The following NAV3 variants were observed in gnomAD, a reference collection of about 807,000 sequenced individuals.
The protein encoded by NAV3 is neuron navigator 3.
A neutral mutation model predicts 244.7 loss-of-function variants in NAV3; 87 were observed. The ratio of observed to expected loss-of-function variants is 0.36; its 90% CI spans 0.30 to 0.42. The LOEUF is 0.42. Among genes scored for constraint, NAV3 ranks in the 20% least tolerant of loss-of-function variants. The pLI, the probability that NAV3 is intolerant of heterozygous loss-of-function variation, is 1.00. For synonymous variants in NAV3, 1,126 were observed against 1,042.2 expected, an observed-to-expected ratio of 1.08 and a Z score of -1.55; for missense variants, 2,663 against 2,893.3, an observed-to-expected ratio of 0.92 and a Z score of 1.83.
Position 77,824,812 on chromosome 12 carries a change from G to A in NAV3, c.73-115507G>A, listed in dbSNP as rs536804933. Among the ~76,000 whole-genome samples, 43 of 152,094 alleles carry A rather than the reference G, an allele frequency of 2.8e-4. 1 individual carries two copies. The South Asian group carries it at 8.9e-3, about 32-fold the overall frequency. On this transcript the variant is annotated intron_variant, in intron 2 of 8. Transcript: ENST00000550042. ...GGAGGCTGAGGCAGCAAAATGGCTT[G>A]AACCCAGGAGGCAGGGATTCCCGTG... is the stretch of plus-strand genomic sequence containing the variant.
chr12:78,147,247 A>G (rs1956898758), intron 21 of NAV3, among the ~76,000 whole-genome samples: 3 of 152,120 alleles, frequency 2.0e-5, no homozygotes, highest in Admixed American at 2.0e-4. Flanking sequence ...TTTAAAAATC[A>G]AAGTGGTTTT....
chr12:77,879,501 C>G (rs916080705), intron 1 of NAV3, among the ~76,000 whole-genome samples: 2 of 151,780 alleles, frequency 1.3e-5, no homozygotes, highest in African/African-American at 4.8e-5. Flanking sequence ...TTGGAGAAAT[C>G]CTGTCTCTAC....
In NAV3 at chr12:78,189,561, C is replaced by CATATATATAT. The variant is rs34797197; in HGVS notation, c.6056-418_6056-409dup. Among the ~76,000 whole-genome samples the CATATATATAT allele has an allele frequency of 2.7e-5, 4 of 148,460 alleles. No individual in the cohort carries two copies. In the Admixed American group the frequency reaches 2.7e-4, roughly 10 times the overall value. ...GTAAAAGAAAGAACACACACACACC[C>CATATATATAT]ATATATATATATATGGGTGTGTGTG... On this transcript the variant is annotated intron_variant, in intron 33 of 39. Coordinates refer to ENST00000397909, the MANE Select transcript of NAV3 (RefSeq NM_001024383.2).
At chr12:77,915,268 C>T (rs1887011753) in intron 1 of NAV3, among the ~76,000 whole-genome samples, 4 of 152,004 alleles carry the variant, frequency 2.6e-5, no homozygotes, top group African/African-American at 9.7e-5. Context: ...TTTCACATCA[C>T]ATGCTATGCA....
intron 38 of NAV3, among the ~76,000 whole-genome samples, chr12:78,201,068 CCTT>C (rs1285330257): frequency 1.3e-5 from 1 of 75,018 alleles, no homozygotes; most frequent in Non-Finnish European, 2.3e-5. Flanking sequence ...TGTTTCTTCT[CCTT>C]CTTTTTTTTT....
At chr12:77,685,124 C>G (rs1239466329) in intron 2 of NAV3, among the ~76,000 whole-genome samples, 1 of 152,028 alleles carries the variant, frequency 6.6e-6, no homozygotes, top group East Asian at 1.9e-4. Flanking sequence ...TAATGAGTTG[C>G]TTTGAGTACT....
intron 28 of NAV3, among the ~76,000 whole-genome samples, 200 bp downstream of exon 28, chr12:78,177,885 G>A (rs1958310369): frequency 6.6e-6 from 1 of 151,306 alleles, no homozygotes; most frequent in African/African-American, 2.4e-5. Flanking sequence ...ATCTAACCTA[G>A]CATTTTTATG....
At chr12:77,824,176 T>C (rs368873187) in intron 2 of NAV3, among the ~76,000 whole-genome samples, 1 of 151,540 alleles carries the variant, frequency 6.6e-6, no homozygotes, top group Admixed American at 6.6e-5. Context: ...CGGGTTCAAG[T>C]GATTCTCCTG....
chr12:78,164,565 G>T (rs188769394), intron 23 of NAV3, among the ~76,000 whole-genome samples: 1 of 152,194 alleles, frequency 6.6e-6, no homozygotes, highest in African/African-American at 2.4e-5. Flanking sequence ...GGAGTCAGAT[G>T]ATGCATCCAT....
intron 2 of NAV3, among the ~76,000 whole-genome samples, chr12:77,750,132 T>G (rs1359838237): frequency 1.3e-5 from 2 of 152,152 alleles, no homozygotes; most frequent in Non-Finnish European, 2.9e-5. Flanking sequence ...GGCAGGTGGA[T>G]CACAAGGTCA....
intron 9 of NAV3, among the ~76,000 whole-genome samples, chr12:78,046,022 T>A (rs1881730990): frequency 6.6e-6 from 1 of 152,164 alleles, no homozygotes; most frequent in African/African-American, 2.4e-5. Flanking sequence ...ATTTGCATAG[T>A]AGTGTTTATA....
chr12:77,653,421 C>T (rs892283287), intron 2 of NAV3, among the ~76,000 whole-genome samples: 9 of 152,176 alleles, frequency 5.9e-5, no homozygotes, highest in Non-Finnish European at 7.3e-5. Flanking sequence ...AGGAGGCTGT[C>T]TCAAATCTGA....
chr12:78,132,889 C>T (rs973890880), intron 18 of NAV3, among the ~76,000 whole-genome samples: 1 of 152,114 alleles, frequency 6.6e-6, no homozygotes, highest in Non-Finnish European at 1.5e-5. Flanking sequence ...TATCATCCTT[C>T]TCTCTACTCT....
At position 78,188,301 on chromosome 12, in the gene NAV3, C is replaced by G. The variant is rs1958816895; in HGVS notation, c.5844C>G (p.Thr1948=). Residue 1948 remains threonine (T), a synonymous_variant, in exon 32 of 40, where the codon ACC becomes ACG. Coordinates refer to ENST00000397909, the MANE Select transcript of NAV3 (RefSeq NM_001024383.2). ...GATCCATTGGTGTTAGTGGAAAAAC[C>G]AAGTGGGATGTCTTAGATGGTGTAA... ...LIGSIGVSGK[T]KWDVLDGVIR... The G allele has an allele frequency of 1.2e-6, 2 of 1,611,438 alleles. No homozygotes were observed. The highest frequency in any genetic ancestry group is 1.7e-6 in the Non-Finnish European group (2 of 1,178,290).
intron 1 of NAV3, among the ~76,000 whole-genome samples, chr12:77,895,080 TGAG>T (rs549747964): frequency 8.2e-4 from 124 of 151,952 alleles, no homozygotes; most frequent in Middle Eastern, 6.8e-3. Context: ...TGTGTGATGA[TGAG>T]ATCTGAAAGA....
At chr12:78,108,650 G>A (rs373805808) in intron 12 of NAV3, among the ~76,000 whole-genome samples, 5 of 152,028 alleles carry the variant, frequency 3.3e-5, no homozygotes, top group East Asian at 1.9e-4. Flanking sequence ...TCAATGCCAA[G>A]AATAACGTTG....
chr12:78,193,579 C>A (rs1959074162), intron 34 of NAV3, among the ~76,000 whole-genome samples: 1 of 152,096 alleles, frequency 6.6e-6, no homozygotes, highest in South Asian at 2.1e-4. Context: ...TTCTACCTGA[C>A]TAGATCTGGA....
intron 1 of NAV3, among the ~76,000 whole-genome samples, chr12:77,911,546 T>TG (rs1886590401): frequency 6.6e-6 from 1 of 152,136 alleles, no homozygotes; most frequent in Admixed American, 6.5e-5. Context: ...CACAATATCT[T>TG]GGTAAATGAT....
intron 9 of NAV3, among the ~76,000 whole-genome samples, chr12:78,027,429 G>A (rs1878247678): frequency 1.5e-5 from 2 of 136,898 alleles, no homozygotes; most frequent in Admixed American, 8.1e-5. Flanking sequence ...GGGTGACAGA[G>A]CAAGACCTTG....
Sources: gnomAD v4.1 joint callset for allele counts (sites outside exome capture counted in the v4.1 genomes callset) on GRCh38, gnomAD v4.1.1 for gene constraint, MANE v1.5 for transcripts, NCBI Gene and HGNC (gene_info 2026-07-23, HGNC 2026-07-21) for gene names.